Variants in ERBB2 observed in about 807,000 individuals in gnomAD.
ERBB2 encodes receptor tyrosine-protein kinase erbB-2.
ERBB2 carries 61 observed loss-of-function variants against 149.0 expected under a neutral mutation model. The ratio of observed to expected loss-of-function variants is 0.41; its 90% CI spans 0.33 to 0.51. ERBB2 has a LOEUF of 0.51. Among genes scored for constraint, ERBB2 ranks in the 20% least tolerant of loss-of-function variants. The pLI, the probability that ERBB2 is intolerant of heterozygous loss-of-function variation, is 0.25. For synonymous variants in ERBB2, 633 were observed against 678.8 expected (o/e 0.93, Z 1.05); for missense variants, 1,205 against 1,655.1 (o/e 0.73, Z 4.72).
chr17:39,715,719 G>A (rs2145649292), intron 11 of ERBB2, 21 bp from the exon 12 acceptor site: 3 of 1,605,132 alleles, frequency 1.9e-6, no homozygotes, highest in South Asian at 1.1e-5. Context: ...CCGTGGTAAG[G>A]TGCCCACCTT....
chr17:39,719,418 G>A (rs183952175), intron 15 of ERBB2, among the ~76,000 whole-genome samples: 208 of 152,338 alleles, frequency 1.4e-3, no homozygotes, highest in African/African-American at 4.8e-3. Context: ...AGGAGGAACT[G>A]CTGGGTCATA....
intron 1 of ERBB2, among the ~76,000 whole-genome samples, chr17:39,700,729 G>A (rs4252600): frequency 1.3e-5 from 2 of 152,094 alleles, no homozygotes; most frequent in South Asian, 2.1e-4. Context: ...GGATTCCTTG[G>A]GGGGGTCCTC....
upstream of ERBB2, among the ~76,000 whole-genome samples, chr17:39,697,354 G>GTTTTTTTTTTTTTTTT (rs60262818): frequency 2.5e-5 from 3 of 122,136 alleles, no homozygotes; most frequent in African/African-American, 9.1e-5. Flanking sequence ...TTTTTGTTTT[G>GTTTTTTTTTTTTTTTT]TTTTTTTTTT....
Position 39,715,751 on chromosome 17 carries a change from C to T in ERBB2, c.1325C>T (p.Ser442Leu), listed in dbSNP as rs749440298. 14 of 1,606,658 alleles carry T rather than the reference C, an allele frequency of 8.7e-6. No homozygotes were observed. The highest frequency in any genetic ancestry group is 4.5e-5 in the East Asian group (2 of 44,880). The change falls in exon 12 of 27, where the codon TCG becomes TTG. Residue 442 changes from serine to leucine, a missense_variant. By Grantham distance (145) the Ser-to-Leu change is moderately radical. Transcript: ENST00000269571. ...RGRILHNGAYSLTLQGLGISW... is the reference protein window; with the variant it reads ...RGRILHNGAYLLTLQGLGISW... ...CCTTTCTCCCATAGTGGCGCCTACT[C>T]GCTGACCCTGCAAGGGCTGGGCATC... is the stretch of plus-strand genomic sequence containing the variant.
At chr17:39,699,774 A>C (rs113435091), upstream of ERBB2, among the ~76,000 whole-genome samples, 1 of 152,180 alleles carries the variant, frequency 6.6e-6, no homozygotes, top group African/African-American at 2.4e-5. Flanking sequence ...TTTATCCCGG[A>C]CTCCGGGGGA....
At chr17:39,711,672 C>T (rs947154195) in intron 7 of ERBB2, among the ~76,000 whole-genome samples, 1 of 152,224 alleles carries the variant, frequency 6.6e-6, no homozygotes, top group Admixed American at 6.5e-5. Flanking sequence ...ATCCTCGCTC[C>T]TCCACTCACT....
intron 4 of ERBB2, 57 bp from the exon 5 acceptor site, chr17:39,709,756 C>G (rs756385726): frequency 8.6e-6 from 13 of 1,509,014 alleles, no homozygotes; most frequent in African/African-American, 1.4e-5. Context: ...CTGTTACTAA[C>G]CCGTCCTCTC....
At chr17:39,717,218 G>C (rs1421380385) in intron 14 of ERBB2, 102 bp from the exon 15 acceptor site, 3 of 937,130 alleles carry the variant, frequency 3.2e-6, no homozygotes, top group East Asian at 2.9e-5. Context: ...ATTGCTGCTG[G>C]GTGGCCTTGG....
upstream of ERBB2, among the ~76,000 whole-genome samples, chr17:39,692,700 T>C (rs1214774556): frequency 6.6e-6 from 1 of 152,126 alleles, no homozygotes; most frequent in African/African-American, 2.4e-5. Flanking sequence ...CCACCGTGCC[T>C]GGCCAGGAAC....
intron 2 of ERBB2, chr17:39,708,090 C>T (rs2058560609): frequency 4.2e-6 from 2 of 478,042 alleles, no homozygotes; most frequent in Non-Finnish European, 7.4e-6. Flanking sequence ...GGCACCTGTT[C>T]GGAGTTTATG....
In ERBB2 at chr17:39,719,652, T is replaced by C; in HGVS notation, c.1899-135T>C. 7.0e-6 allele frequency: 6 copies of C among 863,222 alleles called. No homozygotes were observed. The South Asian group carries it at 8.5e-5, about 12-fold the overall frequency. The allele number at this position is 863,222 out of a possible 1,614,324, so 53.5% of individuals were successfully genotyped here. On this transcript the variant is annotated intron_variant, in intron 15 of 26. Coordinates refer to ENST00000269571, the MANE Select transcript of ERBB2 (RefSeq NM_004448.4). ...GGTGGTAGAAGGAGCACTGACGGCC[T>C]TGAGCCCAGTTTCTGCCTTTGTCAA...
rs2143289047 is a variant in ERBB2 at position 39,727,716 on chromosome 17, C to A, written c.3440C>A (p.Pro1147His). 6.4e-7 allele frequency: 1 copy of A among 1,567,188 alleles called. No homozygotes were observed. Among genetic ancestry groups the A allele is most frequent in the Non-Finnish European group, 8.6e-7 (1 of 1,156,258 alleles). ...PEYVNQPDVR[P>H]QPPSPREGPL... ...TATGTGAACCAGCCAGATGTTCGGC[C>A]CCAGCCCCCTTCGCCCCGAGAGGGC... Residue 1147 changes from proline to histidine, a missense_variant, in exon 27 of 27, where the codon CCC (proline) becomes CAC (histidine). Coordinates refer to ENST00000269571, the MANE Select transcript of ERBB2 (RefSeq NM_004448.4). The surrounding 1 kb of genome is among the most constrained non-coding windows in gnomAD (Gnocchi z 4.3).
At chr17:39,699,053 T>G (rs1319188528), upstream of ERBB2, among the ~76,000 whole-genome samples, 4 of 150,650 alleles carry the variant, frequency 2.7e-5, no homozygotes, top group Non-Finnish European at 5.9e-5. Flanking sequence ...GGTTGAGAAG[T>G]GGAATTAAGC....
intron 1 of ERBB2, among the ~76,000 whole-genome samples, chr17:39,704,342 G>A (rs1215971448): frequency 1.3e-5 from 2 of 152,146 alleles, no homozygotes; most frequent in African/African-American, 2.4e-5. Flanking sequence ...TTGGGAGGCC[G>A]AGACGGGCGG....
At chr17:39,688,129 TTTAAA>T (rs1367059597) in exon 1 of ERBB2, 6 of 1,038,030 alleles carry the variant, frequency 5.8e-6, no homozygotes, top group Admixed American at 8.5e-5. Context: ...GTCCACACAG[TTTAAA>T]TTAAAGTTCC....
rs1237032148 is a variant in ERBB2, at chr17:39,715,788, G to A, written c.1362G>A (p.Gly454=). The A allele has an allele frequency of 1.9e-6, 3 of 1,609,240 alleles. No individual in the cohort carries two copies. The highest frequency in any genetic ancestry group is 4.5e-5 in the East Asian group (2 of 44,882). ...TLQGLGISWL[G]LRSLRELGSG... ...AAGGGCTGGGCATCAGCTGGCTGGGGCTGCGCTCACTGAGGGAACTGGGCA... is the reference window on the plus strand; with the variant it reads ...AAGGGCTGGGCATCAGCTGGCTGGGACTGCGCTCACTGAGGGAACTGGGCA... The change falls in exon 12 of 27, where the codon GGG becomes GGA. Residue 454 remains glycine (G), a synonymous_variant. Transcript: ENST00000269571.
At chr17:39,694,286 T>TACACAC (rs1567888267), upstream of ERBB2, among the ~76,000 whole-genome samples, 5 of 45,166 alleles carry the variant, frequency 1.1e-4, no homozygotes, top group Admixed American at 6.7e-4. Context: ...TATATATATA[T>TACACAC]ATACACATAT....
At chr17:39,697,341 G>GT (rs1313244019), upstream of ERBB2, among the ~76,000 whole-genome samples, 405 of 137,770 alleles carry the variant, frequency 2.9e-3, 8 homozygotes, top group African/African-American at 9.0e-3. Flanking sequence ...TGCTAGGGTT[G>GT]TTTTTTTGTT....
At chr17:39,691,934 C>CATATACATATATATATATAT (rs564472045), upstream of ERBB2, among the ~76,000 whole-genome samples, 1 of 120,876 alleles carries the variant, frequency 8.3e-6, no homozygotes, top group Non-Finnish European at 1.6e-5. Context: ...TATACATATA[C>CATATACATATATATATATAT]ATATATATAT....
Sources: gnomAD v4.1 joint callset for allele counts (sites outside exome capture counted in the v4.1 genomes callset) on GRCh38, gnomAD v4.1.1 for gene constraint, Gnocchi (gnomAD v3.1) non-coding constraint, MANE v1.5 for transcripts, NCBI Gene and HGNC (gene_info 2026-07-23, HGNC 2026-07-21) for gene names.